The following PPP2R3A variants were observed in gnomAD, a reference collection of about 807,000 sequenced individuals.
PPP2R3A encodes the protein protein phosphatase 2 regulatory subunit B''alpha, also known as serine/threonine-protein phosphatase 2A regulatory subunit B'' subunit alpha.
A neutral mutation model predicts 106.9 loss-of-function variants in PPP2R3A; 80 were observed. That is an observed-to-expected ratio of 0.75 (90% CI 0.62 to 0.90). The LOEUF (loss-of-function observed/expected upper bound fraction) is 0.90. Among genes scored for constraint, PPP2R3A ranks in the 40% least tolerant of loss-of-function variants. The pLI, the probability that PPP2R3A is intolerant of heterozygous loss-of-function variation, is 0.00. For synonymous variants in PPP2R3A, 483 were observed against 468.3 expected (o/e 1.03, Z -0.41); for missense variants, 1,386 against 1,350.4 (o/e 1.03, Z -0.41).
chr3:136,089,384 A>G (rs562742668), intron 9 of PPP2R3A, among the ~76,000 whole-genome samples: 1 of 151,944 alleles, frequency 6.6e-6, no homozygotes, highest in Non-Finnish European at 1.5e-5. Context: ...CAAATATCAG[A>G]TGGTTGTAGG....
Position 136,146,073 on chromosome 3 carries a change from A to T in PPP2R3A, c.*907A>T, listed in dbSNP as rs1030194665. 1.3e-5 allele frequency: 2 copies of T among 152,188 alleles called. No individual in the cohort carries two copies. Among genetic ancestry groups the T allele is most frequent in the African/African-American group, 4.8e-5 (2 of 41,444 alleles). 9.4% of individuals were successfully genotyped at this position (152,188 alleles called of 1,614,324 possible). Reference sequence around the variant, plus strand: ...TATTCCTTCCTCCCAGGAGTATTAGACTAGCTAATAGTAAAGGCCTCAACG... The same window carrying T: ...TATTCCTTCCTCCCAGGAGTATTAGTCTAGCTAATAGTAAAGGCCTCAACG... On this transcript the variant is annotated 3_prime_UTR_variant, in exon 14 of 14. Transcript: ENST00000264977.
chr3:135,984,577 G>A (rs1005516423), intron 1 of PPP2R3A, among the ~76,000 whole-genome samples: 3 of 152,088 alleles, frequency 2.0e-5, no homozygotes, highest in Non-Finnish European at 2.9e-5. Context: ...CCGTTCTCGC[G>A]ATAGTATGTC....
At chr3:135,987,403 G>T (rs1033030640) in intron 1 of PPP2R3A, among the ~76,000 whole-genome samples, 2 of 152,060 alleles carry the variant, frequency 1.3e-5, no homozygotes, top group African/African-American at 4.8e-5. Flanking sequence ...AAGGAAACTT[G>T]ATCTTAGGTG....
rs1487021886 is a variant in PPP2R3A at position 136,027,099 on chromosome 3, G to A, written c.2262+1G>A. 6.2e-7 allele frequency: 1 copy of A among 1,609,764 alleles called. No individual in the cohort carries two copies. Among genetic ancestry groups the A allele is most frequent in the Non-Finnish European group, 8.5e-7 (1 of 1,177,684 alleles). On this transcript the variant is annotated splice_donor_variant, in intron 3 of 13. Transcript: ENST00000264977. LOFTEE classifies it high-confidence loss of function. ...TTATGAAATGGGGAAAATTGCAAAG[G>A]TAATGTAACTACTAAATGATTTACA...
chr3:136,045,962 TTG>T, intron 4 of PPP2R3A, among the ~76,000 whole-genome samples: 1 of 152,094 alleles, frequency 6.6e-6, no homozygotes, highest in East Asian at 1.9e-4. Context: ...GGCAGTAAGA[TTG>T]CATGAGCCTA....
intron 8 of PPP2R3A, among the ~76,000 whole-genome samples, chr3:136,087,252 T>TCTCC (rs1553753890): frequency 3.7e-5 from 4 of 107,952 alleles, no homozygotes; most frequent in African/African-American, 1.1e-4. Flanking sequence ...CGTGTCTCTC[T>TCTCC]CTCTCTCTCT....
chr3:136,124,562 G>T (rs1938113279), intron 13 of PPP2R3A, among the ~76,000 whole-genome samples: 2 of 151,504 alleles, frequency 1.3e-5, no homozygotes, highest in African/African-American at 2.4e-5. Flanking sequence ...ACTTAGAAAG[G>T]TCTAATATCA....
chr3:136,002,435 A>T lies in PPP2R3A; in HGVS notation c.937A>T (p.Asn313Tyr), dbSNP rs1381872449. ...EALDLTELIS[N>Y]MPSLQLTPFS... ...TCTAGATTTAACAGAACTGATCAGT[A>T]ATATGCCTAGCTTACAACTGACTCC... The change falls in exon 2 of 14, where the codon AAT (asparagine) becomes TAT (tyrosine). Residue 313 changes from asparagine (N) to tyrosine (Y), a missense_variant. By Grantham distance (143) the Asn-to-Tyr change is moderately radical. Transcript: ENST00000264977. 1.2e-6 allele frequency: 2 copies of T among 1,613,682 alleles called. No homozygotes were observed. The highest frequency in any genetic ancestry group is 1.7e-6 in the Non-Finnish European group (2 of 1,179,712).
chr3:136,022,271 A>G (rs2107815634), intron 2 of PPP2R3A, among the ~76,000 whole-genome samples: 1 of 152,250 alleles, frequency 6.6e-6, no homozygotes, highest in East Asian at 1.9e-4. Context: ...CTACTTTCTT[A>G]ATACTTCCAA....
intron 10 of PPP2R3A, among the ~76,000 whole-genome samples, chr3:136,100,190 A>G (rs1044326429): frequency 1.3e-5 from 2 of 152,128 alleles, no homozygotes; most frequent in Non-Finnish European, 2.9e-5. Context: ...AATACTGGAT[A>G]AACAATGGAT....
At chr3:136,123,314 A>G (rs1938069340) in intron 13 of PPP2R3A, among the ~76,000 whole-genome samples, 1 of 152,184 alleles carries the variant, frequency 6.6e-6, no homozygotes, top group Admixed American at 6.5e-5. Context: ...AGCATATGAT[A>G]AAGATAGCAT....
At chr3:136,130,703 A>T (rs539835839) in intron 13 of PPP2R3A, among the ~76,000 whole-genome samples, 1 of 152,294 alleles carries the variant, frequency 6.6e-6, no homozygotes, top group East Asian at 1.9e-4. Context: ...CATTGCCAAG[A>T]CAATCCTAAG....
At chr3:136,097,509 C>G (rs1298864828) in intron 10 of PPP2R3A, among the ~76,000 whole-genome samples, 1 of 152,170 alleles carries the variant, frequency 6.6e-6, no homozygotes, top group African/African-American at 2.4e-5. Flanking sequence ...AGCTTTCTTT[C>G]TCTCTTACGG....
chr3:136,144,048 T>C (rs529377067), intron 13 of PPP2R3A, among the ~76,000 whole-genome samples: 1 of 152,338 alleles, frequency 6.6e-6, no homozygotes, highest in Admixed American at 6.5e-5. Flanking sequence ...CTCAGAGATA[T>C]AGCCTCAGAA....
intron 1 of PPP2R3A, among the ~76,000 whole-genome samples, chr3:135,986,891 T>G (rs1169727424): frequency 6.6e-6 from 1 of 152,210 alleles, no homozygotes; most frequent in Non-Finnish European, 1.5e-5. Flanking sequence ...CCTTATTTAA[T>G]GTAAACATCG....
At chr3:136,129,565 C>G (rs1244019413) in intron 13 of PPP2R3A, among the ~76,000 whole-genome samples, 2 of 152,154 alleles carry the variant, frequency 1.3e-5, no homozygotes, top group Non-Finnish European at 2.9e-5. Flanking sequence ...CAGACAGATT[C>G]ACAGCCAAAT....
chr3:136,001,366 A>G lies in PPP2R3A; in HGVS notation c.-133A>G, dbSNP rs1933614641. On this transcript the variant is annotated 5_prime_UTR_variant, in exon 2 of 14. Transcript: ENST00000264977. ...ATATAAATGGTTTCCCTTCATGGGA[A>G]AAGCCATTATATTTGGAAGAAACCA... The G allele has an allele frequency of 1.3e-6, 1 of 789,886 alleles. No homozygotes were observed. 48.9% of individuals were successfully genotyped at this position (789,886 alleles called of 1,614,324 possible).
chr3:136,057,080 A>G (rs77538428), intron 5 of PPP2R3A, among the ~76,000 whole-genome samples: 7 of 136,802 alleles, frequency 5.1e-5, no homozygotes, highest in African/African-American at 1.8e-4. Flanking sequence ...CCCCCCCCAC[A>G]CACACCGTTG....
intron 1 of PPP2R3A, among the ~76,000 whole-genome samples, chr3:135,977,645 G>A (rs1937452397): frequency 7.0e-6 from 1 of 142,130 alleles, no homozygotes; most frequent in African/African-American, 2.6e-5. Context: ...ATTTTAAGAT[G>A]CTCTTTATTA....
Sources: gnomAD v4.1 joint callset for allele counts (sites outside exome capture counted in the v4.1 genomes callset) on GRCh38, gnomAD v4.1.1 for gene constraint, MANE v1.5 for transcripts, NCBI Gene and HGNC (gene_info 2026-07-23, HGNC 2026-07-21) for gene names.